SLC16A3: variants seen among roughly 807,000 people sequenced by gnomAD.
The protein encoded by SLC16A3 is solute carrier family 16 member 3.
A neutral mutation model predicts 25.0 loss-of-function variants in SLC16A3; 22 were observed. The observed-to-expected ratio is 0.88, with a 90% CI of 0.63 to 1.26. SLC16A3 has a LOEUF of 1.26. SLC16A3 is among the 50% of genes most tolerant of loss of function. The probability of loss-of-function intolerance (pLI) is 0.00; values close to 1 mark genes in which losing one functional copy is unlikely to be tolerated. For synonymous variants in SLC16A3, 390 were observed against 309.2 expected (o/e 1.26, Z -2.74); for missense variants, 731 against 666.6 (o/e 1.10, Z -1.06).
chr17:82,237,535 C>A lies in SLC16A3; in HGVS notation c.765C>A (p.Asp255Glu), dbSNP rs780196774. 1 of 1,611,516 alleles carries A rather than the reference C, an allele frequency of 6.2e-7. No individual in the cohort carries two copies. The highest frequency in any genetic ancestry group is 8.5e-7 in the Non-Finnish European group (1 of 1,179,142). The change falls in exon 4 of 5, where the codon GAC (aspartate) becomes GAA (glutamate). Residue 255 changes from aspartate to glutamate, a missense_variant. Transcript: ENST00000582743. Reference protein sequence around the residue: ...PPVFVVSYAKDLGVPDTKAAF... With the variant: ...PPVFVVSYAKELGVPDTKAAF... ...TGTTCGTGGTGAGCTACGCCAAGGA[C>A]CTGGGCGTGCCCGACACCAAGGCCG...
chr17:82,227,643 CCACCTGCCCTGGGCGG>C (rs2050434087), upstream of SLC16A3, among the ~76,000 whole-genome samples: 2 of 23,318 alleles, frequency 8.6e-5, no homozygotes, highest in Non-Finnish European at 1.2e-4. Flanking sequence ...GGCGGGAGCA[CCACCTGCCCTGGGCGG>C]GAGCACCACC....
chr17:82,227,600 C>T (rs568697089), upstream of SLC16A3, among the ~76,000 whole-genome samples: 104 of 143,838 alleles, frequency 7.2e-4, 3 homozygotes, highest in African/African-American at 2.4e-3. Context: ...GCGGGAGCAC[C>T]ACCTGCCCTG....
At chr17:82,233,085 C>G (rs1371914520) in intron 1 of SLC16A3, among the ~76,000 whole-genome samples, 4 of 152,148 alleles carry the variant, frequency 2.6e-5, no homozygotes, top group East Asian at 1.9e-4. Context: ...CGGGGTTATC[C>G]TGGAAGATGG....
chr17:82,238,839 G>C lies in SLC16A3; in HGVS notation c.1261G>C (p.Val421Leu). 2 of 1,612,680 alleles carry C rather than the reference G, an allele frequency of 1.2e-6. No homozygotes were observed. Among genetic ancestry groups the C allele is most frequent in the Non-Finnish European group, 1.7e-6 (2 of 1,179,750 alleles). Residue 421 changes from valine to leucine, a missense_variant, in exon 5 of 5, where the codon GTG becomes CTG. Transcript: ENST00000582743. ...RKKPKEPQPE[V>L]AAAEEEKLHK... Reference sequence around the variant, plus strand: ...GAAGCCCAAAGAGCCACAGCCTGAGGTGGCGGCCGCGGAGGAGGAGAAGCT... The same window carrying C: ...GAAGCCCAAAGAGCCACAGCCTGAGCTGGCGGCCGCGGAGGAGGAGAAGCT...
upstream of SLC16A3, among the ~76,000 whole-genome samples, chr17:82,224,005 T>C (rs538863522): frequency 3.5e-4 from 51 of 145,540 alleles, 1 homozygote; most frequent in African/African-American, 1.3e-3. Flanking sequence ...GACGCACCCC[T>C]ACACCCGTGC....
At chr17:82,236,634 G>T (rs2050609425) in intron 2 of SLC16A3, 95 bp from the exon 3 acceptor site, 3 of 1,521,532 alleles carry the variant, frequency 2.0e-6, no homozygotes, top group Admixed American at 1.8e-5. Context: ...GGGTGGTGTG[G>T]GAAGGGGAGG....
At chr17:82,238,654 T>C (rs775556538) in intron 4 of SLC16A3, 48 bp from the exon 5 acceptor site, 2 of 1,549,112 alleles carry the variant, frequency 1.3e-6, no homozygotes, top group Admixed American at 1.8e-5. Context: ...CCGTGGGCCC[T>C]GGGGGCAGCC....
At chr17:82,226,373 T>TG (rs2050421731), upstream of SLC16A3, among the ~76,000 whole-genome samples, 1 of 152,102 alleles carries the variant, frequency 6.6e-6, no homozygotes, top group Non-Finnish European at 1.5e-5. Context: ...GAGCAAGCGT[T>TG]GGAGCCAGGT....
intron 4 of SLC16A3, among the ~76,000 whole-genome samples, chr17:82,238,137 G>A (rs368251242): frequency 6.6e-6 from 1 of 152,248 alleles, no homozygotes; most frequent in African/African-American, 2.4e-5. Context: ...GGGCCCGGGG[G>A]GGGGCAGCTC....
intron 1 of SLC16A3, chr17:82,235,577 G>A (rs112602301): frequency 9.6e-4 from 231 of 241,252 alleles, no homozygotes; most frequent in Non-Finnish European, 1.6e-3. Flanking sequence ...GCTGGGGACC[G>A]GAGGTGCCGT....
chr17:82,230,133 G>A (rs2050470462), intron 1 of SLC16A3: 1 of 152,666 alleles, frequency 6.6e-6, no homozygotes, highest in African/African-American at 2.4e-5. Flanking sequence ...CACAGGCCTG[G>A]AAGTCAGGTG....
intron 1 of SLC16A3, among the ~76,000 whole-genome samples, chr17:82,221,712 ATAC>A (rs765264016): frequency 1.7e-4 from 26 of 152,306 alleles, no homozygotes; most frequent in Non-Finnish European, 3.1e-4. Flanking sequence ...CCATCATGAG[ATAC>A]TACTTCACAC....
At chr17:82,223,883 AG>A (rs1230198631), upstream of SLC16A3, among the ~76,000 whole-genome samples, 3 of 151,992 alleles carry the variant, frequency 2.0e-5, no homozygotes, top group Non-Finnish European at 4.4e-5. Context: ...TGACAGAGCG[AG>A]AGGTCACTGA....
chr17:82,223,895 G>A (rs1221775875), upstream of SLC16A3, among the ~76,000 whole-genome samples: 3 of 151,934 alleles, frequency 2.0e-5, no homozygotes, highest in Admixed American at 2.0e-4. Flanking sequence ...AGGTCACTGA[G>A]GACATCAAGA....
intron 1 of SLC16A3, among the ~76,000 whole-genome samples, chr17:82,220,696 AG>A: frequency 6.6e-6 from 1 of 152,352 alleles, no homozygotes; most frequent in Admixed American, 6.5e-5. Context: ...CCACATGCAA[AG>A]AATAATGCTG....
In SLC16A3 at chr17:82,236,072, T is replaced by C; in HGVS notation, c.64T>C (p.Trp22Arg). 3 of 1,612,840 alleles carry C rather than the reference T, an allele frequency of 1.9e-6. No individual in the cohort carries two copies. Among genetic ancestry groups the C allele is most frequent in the Non-Finnish European group, 2.5e-6 (3 of 1,179,862 alleles). Residue 22 changes from tryptophan (W) to arginine (R), a missense_variant, in exon 2 of 5, where the codon TGG (tryptophan) becomes CGG (arginine). Trp to Arg is a moderately radical substitution (Grantham distance 101, BLOSUM62 -3). Transcript: ENST00000582743. ...GVKAPDGGWG[W>R]AVLFGCFVIT... The stretch of plus-strand genomic sequence containing the variant: ...CAAGGCCCCTGACGGCGGCTGGGGC[T>C]GGGCCGTGCTCTTCGGCTGTTTCGT...
In SLC16A3 at chr17:82,236,782, G is replaced by C. The variant is rs1445532235; in HGVS notation, c.277G>C (p.Val93Leu). The change falls in exon 3 of 5, where the codon GTG (valine) becomes CTG (leucine). Residue 93 changes from valine to leucine, a missense_variant. Val to Leu is a conservative substitution (Grantham distance 32, BLOSUM62 1). Transcript: ENST00000582743. ...NRFGCRPVMLVGGLFASLGMV... is the reference protein window; with the variant it reads ...NRFGCRPVMLLGGLFASLGMV... ...CTTTGGCTGCCGGCCCGTCATGCTT[G>C]TGGGGGGTCTCTTTGCGTCGCTGGG... is the stretch of plus-strand genomic sequence containing the variant. 20 of 1,608,962 alleles carry C rather than the reference G, an allele frequency of 1.2e-5. No homozygotes were observed. The highest frequency in any genetic ancestry group is 1.6e-4 in the Middle Eastern group (1 of 6,066).
intron 2 of SLC16A3, chr17:82,236,510 G>T (rs983640628): frequency 4.6e-6 from 3 of 648,176 alleles, no homozygotes; most frequent in Non-Finnish European, 7.9e-6. Flanking sequence ...TGAAAAGGTG[G>T]CTGTTCCTGA....
chr17:82,237,824 T>C lies in SLC16A3; in HGVS notation c.1054T>C (p.Phe352Leu), dbSNP rs754099392. Residue 352 changes from phenylalanine (F) to leucine (L), a missense_variant, in exon 4 of 5, where the codon TTC becomes CTC. Physicochemically the swap from Phe to Leu is conservative, Grantham distance 22. Coordinates refer to ENST00000582743, the MANE Select transcript of SLC16A3 (RefSeq NM_004207.4). ...CATGGCCATCGTGGGCACCCACAAGTTCTCCAGTGCCATTGGCCTGGTGCT... is the reference window on the plus strand; with the variant it reads ...CATGGCCATCGTGGGCACCCACAAGCTCTCCAGTGCCATTGGCCTGGTGCT... The part of the protein sequence containing the change: ...VLMAIVGTHK[F>L]SSAIGLVLLM... The C allele has an allele frequency of 1.2e-6, 2 of 1,609,042 alleles. No individual in the cohort carries two copies. Among genetic ancestry groups the C allele is most frequent in the African/African-American group, 1.3e-5 (1 of 75,064 alleles).
Sources: gnomAD v4.1 joint callset for allele counts (sites outside exome capture counted in the v4.1 genomes callset) on GRCh38, gnomAD v4.1.1 for gene constraint, MANE v1.5 for transcripts, NCBI Gene and HGNC (gene_info 2026-07-23, HGNC 2026-07-21) for gene names.